Variants in WWOX observed in about 807,000 individuals in gnomAD.
The protein encoded by WWOX is WW domain-containing oxidoreductase.
A neutral mutation model predicts 46.2 loss-of-function variants in WWOX; 69 were observed. The observed-to-expected ratio is 1.49, with a 90% CI of 1.23 to 1.82. The LOEUF (loss-of-function observed/expected upper bound fraction) is 1.82. WWOX is among the 40% of genes most tolerant of loss of function. The pLI, the probability that WWOX is intolerant of heterozygous loss-of-function variation, is 0.00. For missense variants in WWOX, 919 were observed against 542.6 expected, an observed-to-expected ratio of 1.69 and a Z score of -6.89; for synonymous variants, 359 against 202.6, an observed-to-expected ratio of 1.77 and a Z score of -6.56.
intron 8 of WWOX, chr16:78,825,528 G>A: frequency 1.9e-6 from 1 of 522,358 alleles, no homozygotes; most frequent in Non-Finnish European, 3.9e-6. Context: ...ACAGGGCATT[G>A]TAGAGCTTTA....
At chr16:79,201,147 T>G (rs1371535475) in intron 8 of WWOX, among the ~76,000 whole-genome samples, 3 of 152,078 alleles carry the variant, frequency 2.0e-5, no homozygotes, top group Non-Finnish European at 4.4e-5. Flanking sequence ...ATGTAAGGAC[T>G]TCTGGCTTCA....
chr16:78,722,919 G>A (rs534862887), intron 8 of WWOX, among the ~76,000 whole-genome samples: 20 of 152,192 alleles, frequency 1.3e-4, no homozygotes, highest in Admixed American at 1.2e-3. Flanking sequence ...GCTCACGCCT[G>A]TAGCCCCACC....
intron 8 of WWOX, among the ~76,000 whole-genome samples, chr16:78,606,055 G>A (rs554639431): frequency 5.3e-5 from 8 of 152,130 alleles, no homozygotes; most frequent in Non-Finnish European, 8.8e-5. Context: ...CTGCTACGAG[G>A]GATGCCCTCC....
At chr16:78,635,238 A>AC (rs1443850917) in intron 8 of WWOX, among the ~76,000 whole-genome samples, 3 of 152,054 alleles carry the variant, frequency 2.0e-5, no homozygotes, top group African/African-American at 7.2e-5. Flanking sequence ...GATGCGTGAG[A>AC]CCCTTTCAAT....
intron 8 of WWOX, among the ~76,000 whole-genome samples, chr16:78,845,384 A>G (rs890768868): frequency 3.3e-4 from 51 of 152,292 alleles, no homozygotes; most frequent in Non-Finnish European, 2.4e-4. Context: ...ATGAATATCA[A>G]ATGAGAAGTT....
chr16:78,928,904 C>T (rs1023578817), intron 8 of WWOX, among the ~76,000 whole-genome samples: 2 of 152,126 alleles, frequency 1.3e-5, no homozygotes, highest in Non-Finnish European at 2.9e-5. Context: ...ACAGTATTTT[C>T]CCCTAACAAT....
intron 8 of WWOX, among the ~76,000 whole-genome samples, chr16:79,057,626 A>G (rs1427122950): frequency 6.6e-6 from 1 of 152,014 alleles, no homozygotes; most frequent in African/African-American, 2.4e-5. Context: ...TTGAATGACA[A>G]TTTGGATTTG....
At chr16:78,140,103 G>T (rs2033934152) in intron 4 of WWOX, among the ~76,000 whole-genome samples, 1 of 152,200 alleles carries the variant, frequency 6.6e-6, no homozygotes, top group Non-Finnish European at 1.5e-5. Context: ...TGTAGCCCCA[G>T]GTGAGGCCAT....
intron 8 of WWOX, among the ~76,000 whole-genome samples, chr16:78,913,606 T>A (rs2045169197): frequency 6.6e-6 from 1 of 151,794 alleles, no homozygotes; most frequent in South Asian, 2.1e-4. Context: ...AATCTTTTAC[T>A]GTATCATAGT....
At chr16:79,159,845 C>T (rs113767355) in intron 8 of WWOX, among the ~76,000 whole-genome samples, 3 of 152,130 alleles carry the variant, frequency 2.0e-5, no homozygotes, top group Non-Finnish European at 2.9e-5. Context: ...TCTCCATTCT[C>T]GCCTTCTAGC....
chr16:78,485,567 T>C (rs930594962), intron 8 of WWOX, among the ~76,000 whole-genome samples: 7 of 152,302 alleles, frequency 4.6e-5, no homozygotes, highest in Non-Finnish European at 7.4e-5. Flanking sequence ...ATGTATACTG[T>C]GTTCTTTGGG....
chr16:78,723,138 C>G (rs187198619), intron 8 of WWOX, among the ~76,000 whole-genome samples: 178 of 152,332 alleles, frequency 1.2e-3, no homozygotes, highest in Non-Finnish European at 2.1e-3. Context: ...ATCCCGTCAA[C>G]TGCTGGCCTG....
intron 8 of WWOX, among the ~76,000 whole-genome samples, chr16:78,904,047 G>A (rs928088587): frequency 6.6e-6 from 1 of 152,060 alleles, no homozygotes; most frequent in Non-Finnish European, 1.5e-5. Context: ...TTATTAACGT[G>A]TCTGAAATTA....
At chr16:79,155,761 A>G (rs1181195370) in intron 8 of WWOX, among the ~76,000 whole-genome samples, 1 of 152,190 alleles carries the variant, frequency 6.6e-6, no homozygotes. Context: ...TCGCATTTTG[A>G]ATAGAAAGGA....
At chr16:79,074,609 A>AG (rs2048619874) in intron 8 of WWOX, among the ~76,000 whole-genome samples, 1 of 151,752 alleles carries the variant, frequency 6.6e-6, no homozygotes, top group African/African-American at 2.4e-5. Context: ...TTTATAAGCT[A>AG]GGAATACTAA....
intron 8 of WWOX, among the ~76,000 whole-genome samples, chr16:79,151,973 G>C (rs1473978450): frequency 2.0e-5 from 3 of 152,190 alleles, no homozygotes; most frequent in South Asian, 2.1e-4. Flanking sequence ...AAAGGCAACA[G>C]AAAGGTCTCT....
At chr16:78,335,670 C>G (rs923194788) in intron 5 of WWOX, among the ~76,000 whole-genome samples, 1 of 152,118 alleles carries the variant, frequency 6.6e-6, no homozygotes, top group Admixed American at 6.6e-5. Context: ...CAGCAGTTTT[C>G]ACAGTAGAAA....
intron 8 of WWOX, among the ~76,000 whole-genome samples, chr16:78,593,881 C>G (rs996351616): frequency 2.6e-5 from 4 of 152,134 alleles, no homozygotes; most frequent in African/African-American, 9.7e-5. Context: ...AAGCTGTAGA[C>G]AAACAAAAAT....
intron 4 of WWOX, among the ~76,000 whole-genome samples, chr16:78,147,675 C>CTTTTTTTTTT (rs33931881): frequency 3.3e-5 from 3 of 90,636 alleles, no homozygotes; most frequent in African/African-American, 1.4e-4. Flanking sequence ...TTCTTTCTTC[C>CTTTTTTTTTT]TTTTTTTTTT....
Sources: allele counts gnomAD v4.1 joint callset (sites outside exome capture counted in the v4.1 genomes callset), GRCh38; gene constraint gnomAD v4.1.1; transcripts MANE v1.5; gene names NCBI Gene and HGNC (gene_info 2026-07-23, HGNC 2026-07-21).